CHLSN: variants seen among roughly 807,000 people sequenced by gnomAD.
The protein encoded by CHLSN is protein cholesin.
At chr7:1,009,319 A>G in the CHLSN span, among the ~76,000 whole-genome samples, 1 of 152,170 alleles carries the variant, frequency 6.6e-6, no homozygotes, top group South Asian at 2.1e-4. Flanking sequence ...TTCTAGGTGC[A>G]GTCAGCACTC....
chr7:1,133,109 G>A, the CHLSN span, among the ~76,000 whole-genome samples: 1 of 152,134 alleles, frequency 6.6e-6, no homozygotes, highest in Non-Finnish European at 1.5e-5. Context: ...GCCACCAGAG[G>A]AAATGGGATA....
the CHLSN span, among the ~76,000 whole-genome samples, chr7:1,002,567 G>A: frequency 1.4e-5 from 1 of 69,814 alleles, no homozygotes; most frequent in East Asian, 3.3e-4. Context: ...AGTCCTGCGG[G>A]TGAGTGGAGC....
At chr7:1,021,001 G>C in the CHLSN span, among the ~76,000 whole-genome samples, 1 of 151,252 alleles carries the variant, frequency 6.6e-6, no homozygotes, top group African/African-American at 2.4e-5. Context: ...GTACCTCCAG[G>C]CTGGGGACCT....
chr7:1,099,032 C>G, the CHLSN span, among the ~76,000 whole-genome samples: 1 of 152,276 alleles, frequency 6.6e-6, no homozygotes, highest in African/African-American at 2.4e-5. Flanking sequence ...ATTCAAGCGC[C>G]GGGCTGTGTT....
chr7:984,346 C>A, the CHLSN span: 1 of 1,478,658 alleles, frequency 6.8e-7, no homozygotes. Context: ...CAGGCCCGGC[C>A]TGAGGGGACC....
At chr7:1,076,497 C>T in the CHLSN span, among the ~76,000 whole-genome samples, 8 of 152,190 alleles carry the variant, frequency 5.3e-5, no homozygotes, top group Admixed American at 1.3e-4. Context: ...CGCTGGTTTT[C>T]GGAGCCTGCA....
At chr7:1,055,120 T>C in the CHLSN span, among the ~76,000 whole-genome samples, 4 of 152,080 alleles carry the variant, frequency 2.6e-5, no homozygotes, top group African/African-American at 9.7e-5. Context: ...TGAGCCAGGC[T>C]ATCAGAAAGG....
the CHLSN span, among the ~76,000 whole-genome samples, chr7:1,095,501 G>A: frequency 6.6e-6 from 1 of 152,214 alleles, no homozygotes. Context: ...TACCTGTCAG[G>A]CATTCCCCAC....
the CHLSN span, among the ~76,000 whole-genome samples, chr7:1,017,738 G>C: frequency 2.6e-3 from 403 of 152,340 alleles, 1 homozygote; most frequent in African/African-American, 9.3e-3. Flanking sequence ...CGGGATAAGG[G>C]GCAGCCGCGG....
the CHLSN span, among the ~76,000 whole-genome samples, chr7:1,088,983 T>A: frequency 6.6e-6 from 1 of 152,184 alleles, no homozygotes; most frequent in Non-Finnish European, 1.5e-5. This position sits in a 1 kb window ranked among gnomAD's most constrained non-coding sequence, Gnocchi z 4.5. Flanking sequence ...GACTCGTTTT[T>A]AAACTATTTT....
At chr7:1,008,831 GTGTA>G in the CHLSN span, among the ~76,000 whole-genome samples, 2 of 117,460 alleles carry the variant, frequency 1.7e-5, no homozygotes, top group Admixed American at 1.7e-4. Flanking sequence ...TATACACAAC[GTGTA>G]TACACACGCA....
the CHLSN span, among the ~76,000 whole-genome samples, chr7:1,035,135 G>A: frequency 1.3e-5 from 2 of 152,044 alleles, no homozygotes; most frequent in African/African-American, 4.8e-5. Context: ...GTGATGGGCT[G>A]GTGTCATGTC....
the CHLSN span, among the ~76,000 whole-genome samples, chr7:1,003,759 G>C: frequency 1.1e-5 from 1 of 92,352 alleles, no homozygotes; most frequent in Admixed American, 9.7e-5. Flanking sequence ...GGTGAGTGGA[G>C]TCCTGTGGGT....
chr7:1,114,637 G>A, the CHLSN span, among the ~76,000 whole-genome samples: 45 of 152,258 alleles, frequency 3.0e-4, no homozygotes, highest in Non-Finnish European at 4.7e-4. Context: ...TGGCCTTTAC[G>A]GAAGGACTGA....
the CHLSN span, among the ~76,000 whole-genome samples, chr7:1,115,018 G>A: frequency 0.15 from 22,764 of 152,226 alleles, 1,936 homozygotes; most frequent in Middle Eastern, 0.28. Flanking sequence ...GTCCTGTTTC[G>A]CCTTTGTGGA....
chr7:1,080,274 A>G, the CHLSN span, among the ~76,000 whole-genome samples: 4 of 152,268 alleles, frequency 2.6e-5, no homozygotes, highest in Non-Finnish European at 5.9e-5. Context: ...CAGCTTTATA[A>G]TAGACACAAT....
At chr7:1,016,708 CCAGCGCACAG>C in the CHLSN span, among the ~76,000 whole-genome samples, 2,267 of 96,110 alleles carry the variant, frequency 0.024, 166 homozygotes, top group Non-Finnish European at 0.031. Context: ...CCAGCACACG[CCAGCGCACAG>C]CAGCACACAG....
chr7:979,841 G>A, the CHLSN span, among the ~76,000 whole-genome samples: 5 of 152,190 alleles, frequency 3.3e-5, no homozygotes, highest in Admixed American at 2.6e-4. Context: ...CACTGAGGCA[G>A]GGCGCACACT....
the CHLSN span, chr7:987,517 T>C: frequency 6.5e-7 from 1 of 1,528,388 alleles, no homozygotes; most frequent in Non-Finnish European, 8.8e-7. Flanking sequence ...GCTGGGCGGC[T>C]TCCTGCTCCC....
Sources: gnomAD v4.1 joint callset for allele counts (sites outside exome capture counted in the v4.1 genomes callset) on GRCh38, gnomAD v4.1.1 for gene constraint, Gnocchi (gnomAD v3.1) non-coding constraint, MANE v1.5 for transcripts, NCBI Gene and HGNC (gene_info 2026-07-23, HGNC 2026-07-21) for gene names.